Variants in BMP3 observed in about 807,000 individuals in gnomAD.
BMP3 encodes the protein bone morphogenetic protein 3 (osteogenic).
BMP3 carries 23 observed loss-of-function variants against 38.1 expected under a neutral mutation model. The observed-to-expected ratio is 0.60, with a 90% CI of 0.43 to 0.86. The LOEUF is 0.86. Among genes scored for constraint, BMP3 ranks in the 40% least tolerant of loss-of-function variants. BMP3 has a pLI of 0.00. For missense variants in BMP3, 628 were observed against 579.6 expected (o/e 1.08, Z -0.86); for synonymous variants, 258 against 225.7 (o/e 1.14, Z -1.28).
At chr4:81,036,717 T>C (rs1433611805) in intron 1 of BMP3, among the ~76,000 whole-genome samples, 3 of 152,034 alleles carry the variant, frequency 2.0e-5, no homozygotes, top group Non-Finnish European at 4.4e-5. Context: ...GGATCATATC[T>C]ACTTTTGACA....
chr4:81,047,315 C>T (rs974408228), intron 2 of BMP3, among the ~76,000 whole-genome samples: 1 of 152,104 alleles, frequency 6.6e-6, no homozygotes, highest in Non-Finnish European at 1.5e-5. Flanking sequence ...CTCGAAAATC[C>T]ATAAGGTCTG....
At chr4:81,050,165 AG>A (rs1740368395) in intron 2 of BMP3, among the ~76,000 whole-genome samples, 1 of 152,232 alleles carries the variant, frequency 6.6e-6, no homozygotes, top group African/African-American at 2.4e-5. Flanking sequence ...GGCCCAGGTC[AG>A]GAATGAAGGC....
intron 1 of BMP3, among the ~76,000 whole-genome samples, chr4:81,033,465 C>T (rs751563753): frequency 2.4e-4 from 36 of 152,274 alleles, no homozygotes; most frequent in Admixed American, 5.9e-4. Flanking sequence ...TCCCTTGAAA[C>T]GATGAGTTGC....
At chr4:81,041,544 C>A (rs1740077641) in intron 1 of BMP3, among the ~76,000 whole-genome samples, 1 of 152,112 alleles carries the variant, frequency 6.6e-6, no homozygotes, top group African/African-American at 2.4e-5. Context: ...GCAAACACAT[C>A]AAGTGTTGGG....
At chr4:81,049,861 G>A (rs1031994623) in intron 2 of BMP3, among the ~76,000 whole-genome samples, 6 of 152,192 alleles carry the variant, frequency 3.9e-5, no homozygotes, top group African/African-American at 1.4e-4. Context: ...AATAACTGAG[G>A]TGCCAAAGAC....
intron 1 of BMP3, among the ~76,000 whole-genome samples, chr4:81,033,589 A>C (rs557826761): frequency 6.6e-6 from 1 of 152,154 alleles, no homozygotes; most frequent in African/African-American, 2.4e-5. Context: ...GTTTTTGTGG[A>C]AGCTTAAGTG....
intron 2 of BMP3, among the ~76,000 whole-genome samples, chr4:81,051,055 G>C (rs1740389843): frequency 6.6e-6 from 1 of 151,748 alleles, no homozygotes; most frequent in Non-Finnish European, 1.5e-5. Context: ...AGTAATCTGA[G>C]AGGTTCCTGA....
chr4:81,031,549 C>T lies in BMP3; in HGVS notation c.265C>T (p.Arg89Trp), dbSNP rs1478763551. ...LEGGSQPWRP[R>W]LLREGNTVRS... The stretch of plus-strand genomic sequence containing the variant: ...GGGAGGCTCGCAGCCCTGGCGCCCT[C>T]GGCTCCTGCGCGAAGGCAACACGGT... Residue 89 changes from arginine to tryptophan, a missense_variant, in exon 1 of 3, where the codon CGG becomes TGG. By Grantham distance (101) the Arg-to-Trp change is moderately radical (BLOSUM62 -3). Coordinates refer to ENST00000282701, the MANE Select transcript of BMP3 (RefSeq NM_001201.5). The T allele has an allele frequency of 6.2e-7, 1 of 1,610,540 alleles. No homozygotes were observed. The highest frequency in any genetic ancestry group is 1.7e-5 in the Admixed American group (1 of 59,684).
chr4:81,033,963 C>T (rs1739846980), intron 1 of BMP3, among the ~76,000 whole-genome samples: 1 of 152,194 alleles, frequency 6.6e-6, no homozygotes, highest in Admixed American at 6.5e-5. Context: ...TATGGGGCAG[C>T]TGCTGATCCG....
chr4:81,053,425 C>A lies in BMP3; in HGVS notation c.1308C>A (p.Cys436Ter), dbSNP rs1740449186. 2 of 1,611,564 alleles carry A rather than the reference C, an allele frequency of 1.2e-6. No individual in the cohort carries two copies. Among genetic ancestry groups the A allele is most frequent in the Non-Finnish European group, 1.7e-6 (2 of 1,178,812 alleles). ...VGVVPGIPEP[C>*]CVPEKMSSLS... Reference sequence around the variant, plus strand: ...TCGTTCCTGGGATTCCTGAGCCTTGCTGTGTACCAGAAAAGATGTCCTCAC... The same window carrying A: ...TCGTTCCTGGGATTCCTGAGCCTTGATGTGTACCAGAAAAGATGTCCTCAC... The change falls in exon 3 of 3, where the codon TGC becomes TGA. Residue 436 changes from cysteine to a stop codon, truncating the protein, a stop_gained. Transcript: ENST00000282701. LOFTEE classifies it high-confidence loss of function.
Position 81,046,131 on chromosome 4 carries a change from A to T in BMP3, c.710A>T (p.Glu237Val), listed in dbSNP as rs760788016. 2.5e-6 allele frequency: 4 copies of T among 1,614,150 alleles called. No individual in the cohort carries two copies. The South Asian group carries it at 4.4e-5, about 18-fold the overall frequency. Residue 237 changes from glutamate (E) to valine (V), a missense_variant, in exon 2 of 3, where the codon GAG (glutamate) becomes GTG (valine). Glu to Val is a moderately radical substitution (Grantham distance 121, BLOSUM62 -2). Transcript: ENST00000282701. Reference sequence around the variant, plus strand: ...CCAAAGAGGAGGTTACCTTTTCCAGAGCCTTATATCTTGGTATATGCCAAT... The same window carrying T: ...CCAAAGAGGAGGTTACCTTTTCCAGTGCCTTATATCTTGGTATATGCCAAT... ...QLPKRRLPFP[E>V]PYILVYANDA...
In BMP3 at chr4:81,030,735, G is replaced by GCA. The variant is rs1162319895; in HGVS notation, c.-544_-543dup. 6.6e-6 allele frequency among the ~76,000 whole-genome samples: 1 copy of GCA among 151,132 alleles called. No homozygotes were observed. The highest frequency in any genetic ancestry group is 2.0e-4 in the East Asian group (1 of 5,050). Reference sequence around the variant, plus strand: ...CTCTCTCTCATACACACACACACACGCACACACGCGCGCGCGCGCGCGCAC... The same window carrying GCA: ...CTCTCTCTCATACACACACACACACGCACACACACGCGCGCGCGCGCGCGCAC... On this transcript the variant is annotated 5_prime_UTR_variant, in exon 1 of 3. Transcript: ENST00000282701.
Position 81,031,255 on chromosome 4 carries a change from G to T in BMP3, c.-30G>T, listed in dbSNP as rs753819899. ...TTCGGAGTGTCCCGCAGCGACGCCG[G>T]GAGCCGACGCGCCGCGCGGGTACCT... On this transcript the variant is annotated 5_prime_UTR_variant, in exon 1 of 3. Coordinates refer to ENST00000282701, the MANE Select transcript of BMP3 (RefSeq NM_001201.5). 3.2e-6 allele frequency: 5 copies of T among 1,550,868 alleles called. No individual in the cohort carries two copies. In the East Asian group the frequency reaches 9.4e-5, roughly 29 times the overall value.
Position 81,030,943 on chromosome 4 carries a change from A to C in BMP3, c.-342A>C. The C allele has an allele frequency of 4.1e-6, 1 of 242,536 alleles. No homozygotes were observed. The highest frequency in any genetic ancestry group is 7.9e-6 in the Non-Finnish European group (1 of 126,608). The allele number at this position is 242,536 out of a possible 1,614,324, so 15.0% of individuals were successfully genotyped here. On this transcript the variant is annotated 5_prime_UTR_variant, in exon 1 of 3. Coordinates refer to ENST00000282701, the MANE Select transcript of BMP3 (RefSeq NM_001201.5). ...TTTGGCCGGGTGTTCCCAAAAATAA[A>C]GCGAGGAGGGAAGGTACAGACAGAT...
intron 1 of BMP3, among the ~76,000 whole-genome samples, chr4:81,031,906 G>C (rs750200379): frequency 2.0e-5 from 3 of 152,148 alleles, no homozygotes; most frequent in Non-Finnish European, 4.4e-5. Flanking sequence ...ATGCCTGTGA[G>C]GCCTCCTGCC....
rs377241503 is a variant in BMP3, at chr4:81,056,946, G to A, written c.*3410G>A. ...TTCTCTGTGCTAACAAGTAACTAAT[G>A]TCTGGGCATTGACTTCTTATTGAAT... On this transcript the variant is annotated 3_prime_UTR_variant, in exon 3 of 3. Transcript: ENST00000282701. 1.5e-3 allele frequency: 227 copies of A among 152,642 alleles called. No individual in the cohort carries two copies. Among genetic ancestry groups the A allele is most frequent in the South Asian group, 3.1e-3 (15 of 4,822 alleles). The allele number at this position is 152,642 out of a possible 1,614,324, so 9.5% of individuals were successfully genotyped here.
At chr4:81,051,056 A>C (rs1367622256) in intron 2 of BMP3, among the ~76,000 whole-genome samples, 1 of 151,882 alleles carries the variant, frequency 6.6e-6, no homozygotes, top group East Asian at 1.9e-4. Flanking sequence ...GTAATCTGAG[A>C]GGTTCCTGAT....
At chr4:81,049,094 C>T (rs1426395473) in intron 2 of BMP3, among the ~76,000 whole-genome samples, 3 of 152,036 alleles carry the variant, frequency 2.0e-5, no homozygotes, top group Non-Finnish European at 2.9e-5. Context: ...TTCTATATAA[C>T]AAAAACAGTG....
Position 81,031,422 on chromosome 4 carries a change from G to C in BMP3, c.138G>C (p.Pro46=), listed in dbSNP as rs142084218. The change falls in exon 1 of 3, where the codon CCG becomes CCC. Residue 46 remains proline (P), a synonymous_variant. Coordinates refer to ENST00000282701, the MANE Select transcript of BMP3 (RefSeq NM_001201.5). The stretch of plus-strand genomic sequence containing the variant: ...GTGACCGCACGGCAGGTGGTGGCCC[G>C]GACTCCGAGCTGCAGCCGCAAGACA... ...VPGDRTAGGG[P]DSELQPQDKV... The C allele has an allele frequency of 1.4e-5, 23 of 1,613,560 alleles. No homozygotes were observed. In the African/African-American group the frequency reaches 2.8e-4, roughly 20 times the overall value.
Sources: allele counts gnomAD v4.1 joint callset (sites outside exome capture counted in the v4.1 genomes callset), GRCh38; gene constraint gnomAD v4.1.1; transcripts MANE v1.5; gene names NCBI Gene and HGNC (gene_info 2026-07-23, HGNC 2026-07-21).